The following REEP1 variants were observed in gnomAD, a reference collection of about 807,000 sequenced individuals.
REEP1 encodes the protein receptor expression-enhancing protein 1.
In REEP1, 22 loss-of-function variants were observed where a neutral mutation model predicts 40.3. The observed-to-expected ratio is 0.55, with a 90% CI of 0.39 to 0.78. The LOEUF (loss-of-function observed/expected upper bound fraction) is 0.78, where lower values mean the gene tolerates loss of function less well. Among genes scored for constraint, REEP1 ranks in the 30% least tolerant of loss-of-function variants. REEP1 has a pLI of 0.00. For missense variants in REEP1, 280 were observed against 361.1 expected (o/e 0.78, Z 1.82); for synonymous variants, 116 against 139.2 (o/e 0.83, Z 1.17).
chr2:86,261,864 T>C (rs942414184), intron 3 of REEP1, among the ~76,000 whole-genome samples: 7 of 152,210 alleles, frequency 4.6e-5, no homozygotes, highest in Non-Finnish European at 8.8e-5. Context: ...TCTACTGAGA[T>C]AGGGAAAAAC....
chr2:86,224,932 C>T (rs143652411), intron 7 of REEP1, among the ~76,000 whole-genome samples: 19 of 152,310 alleles, frequency 1.2e-4, no homozygotes, highest in East Asian at 7.7e-4. Flanking sequence ...CCACTCTCCC[C>T]GACCCCCAAG....
intron 4 of REEP1, among the ~76,000 whole-genome samples, chr2:86,253,041 G>A (rs1170323365): frequency 6.6e-6 from 1 of 152,216 alleles, no homozygotes; most frequent in Non-Finnish European, 1.5e-5. Flanking sequence ...CAGCACTTTG[G>A]GAGGCCAAGG....
intron 1 of REEP1, among the ~76,000 whole-genome samples, chr2:86,325,178 T>C (rs958679544): frequency 6.6e-6 from 1 of 152,180 alleles, no homozygotes; most frequent in African/African-American, 2.4e-5. Flanking sequence ...AAGACAGGAA[T>C]TCAAGGCTGA....
At position 86,255,521 on chromosome 2, in the gene REEP1, C is replaced by A. The variant is rs576248872; in HGVS notation, c.183-707G>T. On this transcript the variant is annotated intron_variant, in intron 3 of 8. Transcript: ENST00000538924. ...CAAGCCTGTTCATTTATTTGTCCCC[C>A]CACAGGCAGGCACCCAGTCCCTGTA... 5.3e-5 allele frequency among the ~76,000 whole-genome samples: 8 copies of A among 152,250 alleles called. No individual in the cohort carries two copies. The South Asian group carries it at 1.7e-3, about 32-fold the overall frequency.
At chr2:86,273,622 C>T (rs1055083430) in intron 2 of REEP1, among the ~76,000 whole-genome samples, 2 of 152,140 alleles carry the variant, frequency 1.3e-5, no homozygotes, top group Non-Finnish European at 2.9e-5. Context: ...AGCTCATCCA[C>T]ACCCCTACCC....
chr2:86,248,849 C>T (rs1362046498), intron 5 of REEP1, among the ~76,000 whole-genome samples: 2 of 152,330 alleles, frequency 1.3e-5, no homozygotes, highest in Non-Finnish European at 1.5e-5. Flanking sequence ...TATATAGTCA[C>T]CCCAGCTATG....
intron 1 of REEP1, among the ~76,000 whole-genome samples, chr2:86,283,526 G>C (rs1230304852): frequency 6.6e-6 from 1 of 152,174 alleles, no homozygotes; most frequent in Non-Finnish European, 1.5e-5. Flanking sequence ...TGGGTATTGA[G>C]AGAACTCCTA....
chr2:86,257,247 C>T (rs140263237), intron 3 of REEP1, among the ~76,000 whole-genome samples: 1 of 152,138 alleles, frequency 6.6e-6, no homozygotes, highest in African/African-American at 2.4e-5. Context: ...GACACCAACA[C>T]AAGACACATA....
chr2:86,295,268 G>A (rs1031873342), intron 1 of REEP1, among the ~76,000 whole-genome samples: 20 of 152,118 alleles, frequency 1.3e-4, no homozygotes, highest in African/African-American at 2.7e-4. Flanking sequence ...AGAGAGACTG[G>A]GGCGGGAACC....
At chr2:86,240,649 TC>T (rs1377317982) in intron 5 of REEP1, among the ~76,000 whole-genome samples, 1 of 152,166 alleles carries the variant, frequency 6.6e-6, no homozygotes, top group Non-Finnish European at 1.5e-5. Flanking sequence ...GAACTGGGCT[TC>T]AGCTGCCTAA....
At chr2:86,312,948 C>T (rs1157516586) in intron 1 of REEP1, among the ~76,000 whole-genome samples, 1 of 152,150 alleles carries the variant, frequency 6.6e-6, no homozygotes, top group Non-Finnish European at 1.5e-5. Context: ...TGACAGACAT[C>T]AGTTCAGACG....
At chr2:86,273,055 G>C (rs1677544993) in intron 2 of REEP1, among the ~76,000 whole-genome samples, 1 of 151,444 alleles carries the variant, frequency 6.6e-6, no homozygotes, top group Admixed American at 6.6e-5. Context: ...ACCTGGGGAG[G>C]TCAAGGCTGC....
intron 5 of REEP1, chr2:86,251,684 T>C (rs1232868552): frequency 6.0e-6 from 3 of 500,810 alleles, no homozygotes; most frequent in Non-Finnish European, 1.1e-5. Context: ...TGGGGTTGGA[T>C]AAGTTAGAAA....
Position 86,217,004 on chromosome 2 carries a change from C to T in REEP1, c.*35G>A, listed in dbSNP as rs1478593819. On this transcript the variant is annotated 3_prime_UTR_variant, in exon 9 of 9. Transcript: ENST00000538924. Reference sequence around the variant, plus strand: ...ATAGCTCTTTAAGGCAGAGAAGAAACATTCTGTGGATCCGGTGCTGTTGGC... The same window carrying T: ...ATAGCTCTTTAAGGCAGAGAAGAAATATTCTGTGGATCCGGTGCTGTTGGC... 6.3e-7 allele frequency: 1 copy of T among 1,584,904 alleles called. No individual in the cohort carries two copies. The highest frequency in any genetic ancestry group is 1.3e-5 in the African/African-American group (1 of 74,158).
chr2:86,280,133 T>C, intron 2 of REEP1: 1 of 440,352 alleles, frequency 2.3e-6, no homozygotes, highest in Non-Finnish European at 4.6e-6. Flanking sequence ...TTGAACAAAA[T>C]GGGCGCATTA....
chr2:86,312,691 G>A (rs1287828377), intron 1 of REEP1, among the ~76,000 whole-genome samples: 1 of 152,180 alleles, frequency 6.6e-6, no homozygotes, highest in Non-Finnish European at 1.5e-5. Flanking sequence ...ACCTCTGATT[G>A]CTTATCTGTA....
At chr2:86,271,294 A>G (rs1173962868) in intron 2 of REEP1, among the ~76,000 whole-genome samples, 3 of 151,734 alleles carry the variant, frequency 2.0e-5, no homozygotes, top group African/African-American at 7.3e-5. Context: ...AACCATACCT[A>G]GGCAAGTCAT....
chr2:86,260,022 A>C (rs1235500653), intron 3 of REEP1, among the ~76,000 whole-genome samples: 1 of 152,186 alleles, frequency 6.6e-6, no homozygotes, highest in African/African-American at 2.4e-5. Flanking sequence ...GAATGCTCAG[A>C]GCTGCGGAGA....
chr2:86,234,267 C>T (rs539702063), intron 5 of REEP1, among the ~76,000 whole-genome samples: 1 of 152,150 alleles, frequency 6.6e-6, no homozygotes, highest in Non-Finnish European at 1.5e-5. Context: ...CCTGTAATCC[C>T]AGTACTTTGG....
Sources: gnomAD v4.1 joint callset for allele counts (sites outside exome capture counted in the v4.1 genomes callset) on GRCh38, gnomAD v4.1.1 for gene constraint, MANE v1.5 for transcripts, NCBI Gene and HGNC (gene_info 2026-07-23, HGNC 2026-07-21) for gene names.